The following USP34 variants were observed in gnomAD, a reference collection of about 807,000 sequenced individuals.
The protein encoded by USP34 is ubiquitin specific peptidase 34, also known as ubiquitin carboxyl-terminal hydrolase 34.
USP34 carries 70 observed loss-of-function variants against 460.3 expected under a neutral mutation model. That is an observed-to-expected ratio of 0.15 (90% CI 0.13 to 0.19). The LOEUF is 0.19. Among genes scored for constraint, USP34 ranks in the 10% least tolerant of loss-of-function variants. The pLI is 1.00. For missense variants in USP34, 3,985 were observed against 4,236.2 expected, an observed-to-expected ratio of 0.94 and a Z score of 1.65; for synonymous variants, 1,647 against 1,405.3, an observed-to-expected ratio of 1.17 and a Z score of -3.85.
At chr2:61,460,026 C>T (rs2104097142) in intron 1 of USP34, among the ~76,000 whole-genome samples, 1 of 152,318 alleles carries the variant, frequency 6.6e-6, no homozygotes, top group Middle Eastern at 3.4e-3. Flanking sequence ...CGCACCACTG[C>T]ACTCCAGCCT....
chr2:61,350,790 G>C, intron 10 of USP34, 97 bp from the exon 11 acceptor site: 1 of 1,283,570 alleles, frequency 7.8e-7, no homozygotes, highest in South Asian at 1.7e-5. Context: ...AAGTTGGCCA[G>C]TACACTAATA....
At chr2:61,234,615 G>A (rs1326596341) in intron 57 of USP34, among the ~76,000 whole-genome samples, 1 of 151,982 alleles carries the variant, frequency 6.6e-6, no homozygotes, top group African/African-American at 2.4e-5. Flanking sequence ...TGGCCAAAGA[G>A]TACAAAGTTT....
intron 27 of USP34, among the ~76,000 whole-genome samples, chr2:61,303,321 C>T (rs1690288332): frequency 6.6e-6 from 1 of 152,104 alleles, no homozygotes; most frequent in African/African-American, 2.4e-5. Flanking sequence ...CTGCCTCGGC[C>T]CCCCAAAGTG....
chr2:61,437,818 A>AACT (rs1558594182), intron 1 of USP34, among the ~76,000 whole-genome samples: 5 of 76,272 alleles, frequency 6.6e-5, no homozygotes. Context: ...AATAAATAAA[A>AACT]AACCTGAACA....
intron 33 of USP34, among the ~76,000 whole-genome samples, chr2:61,290,284 T>A (rs1303032670): frequency 3.3e-5 from 5 of 152,156 alleles, no homozygotes; most frequent in African/African-American, 1.2e-4. Context: ...TTTGGCATCT[T>A]CTTATAAGGT....
intron 1 of USP34, among the ~76,000 whole-genome samples, chr2:61,451,220 C>CAAAAAAAAAAAAAAAAAAAA (rs70963432): frequency 2.0e-5 from 1 of 50,806 alleles, no homozygotes; most frequent in Non-Finnish European, 3.7e-5. Flanking sequence ...GGCTTCATCT[C>CAAAAAAAAAAAAAAAAAAAA]AAAAAAAAAA....
chr2:61,340,313 T>C (rs935164269), intron 16 of USP34, among the ~76,000 whole-genome samples: 8 of 152,234 alleles, frequency 5.3e-5, no homozygotes, highest in Non-Finnish European at 8.8e-5. Context: ...TCACCAGTTA[T>C]AGGACATTTG....
chr2:61,334,687 GTA>G (rs1388553592), intron 18 of USP34, among the ~76,000 whole-genome samples: 1 of 152,166 alleles, frequency 6.6e-6, no homozygotes, highest in East Asian at 1.9e-4. Flanking sequence ...GTGGAAGCAA[GTA>G]TATGTTTGAC....
intron 1 of USP34, among the ~76,000 whole-genome samples, chr2:61,460,047 G>C (rs781218247): frequency 6.6e-6 from 1 of 152,142 alleles, no homozygotes; most frequent in Non-Finnish European, 1.5e-5. Flanking sequence ...GAGCGACAGA[G>C]CAAGACTCCA....
intron 62 of USP34, among the ~76,000 whole-genome samples, chr2:61,226,477 T>G (rs1687734033): frequency 6.6e-6 from 1 of 152,158 alleles, no homozygotes; most frequent in Admixed American, 6.6e-5. Context: ...TCTCTCTCTG[T>G]CATCATAGCA....
intron 27 of USP34, among the ~76,000 whole-genome samples, chr2:61,304,295 G>A (rs1215599118): frequency 1.3e-5 from 2 of 152,134 alleles, no homozygotes; most frequent in African/African-American, 2.4e-5. Flanking sequence ...ATGATTAATT[G>A]CTACTCTAAT....
At chr2:61,320,220 T>C (rs1268498563) in intron 21 of USP34, among the ~76,000 whole-genome samples, 6 of 152,230 alleles carry the variant, frequency 3.9e-5, no homozygotes, top group Admixed American at 3.9e-4. Context: ...CTTATTCCAG[T>C]TCAGGGTTGT....
chr2:61,378,913 G>GAAAAAAAAAAAAAAAA (rs34463913), intron 7 of USP34, among the ~76,000 whole-genome samples: 13 of 57,870 alleles, frequency 2.2e-4, no homozygotes, highest in African/African-American at 2.9e-4. Flanking sequence ...TCAAAAAAAC[G>GAAAAAAAAAAAAAAAA]AAAAAAAAAA....
chr2:61,390,453 T>C (rs1164751628), intron 5 of USP34, among the ~76,000 whole-genome samples: 2 of 152,200 alleles, frequency 1.3e-5, no homozygotes, highest in Non-Finnish European at 2.9e-5. Context: ...GTAAGAAAAC[T>C]ACATAAAAAG....
intron 1 of USP34, among the ~76,000 whole-genome samples, chr2:61,468,965 T>A (rs547733350): frequency 2.6e-5 from 4 of 152,282 alleles, no homozygotes; most frequent in African/African-American, 9.6e-5. Flanking sequence ...TCCCAGCACT[T>A]TGGGAGGCCG....
intron 53 of USP34, 126 bp from the exon 54 acceptor site, chr2:61,236,515 G>T: frequency 2.9e-6 from 2 of 686,152 alleles, no homozygotes; most frequent in Non-Finnish European, 4.7e-6. Context: ...TGCACTTTAA[G>T]TTCATTTTGA....
At chr2:61,453,567 A>G (rs1386020194) in intron 1 of USP34, among the ~76,000 whole-genome samples, 1 of 151,720 alleles carries the variant, frequency 6.6e-6, no homozygotes, top group African/African-American at 2.4e-5. Context: ...AAAATTAGCC[A>G]GGCATGGTGG....
intron 1 of USP34, among the ~76,000 whole-genome samples, chr2:61,436,973 T>A (rs1694831153): frequency 6.6e-6 from 1 of 152,100 alleles, no homozygotes; most frequent in South Asian, 2.1e-4. Context: ...AAGATGGAAA[T>A]AAAATAATGT....
At chr2:61,278,011 TG>T in intron 41 of USP34, 153 bp downstream of exon 41, 1 of 995,424 alleles carries the variant, frequency 1.0e-6, no homozygotes, top group Non-Finnish European at 1.4e-6. Flanking sequence ...CCCAGCCACA[TG>T]GAACTCTGAG....
Sources: allele counts gnomAD v4.1 joint callset (sites outside exome capture counted in the v4.1 genomes callset), GRCh38; gene constraint gnomAD v4.1.1; transcripts MANE v1.5; gene names NCBI Gene and HGNC (gene_info 2026-07-23, HGNC 2026-07-21).